The following DOCK8 variants were observed in gnomAD, a reference collection of about 807,000 sequenced individuals.
DOCK8 encodes dedicator of cytokinesis 8.
DOCK8 carries 141 observed loss-of-function variants against 245.6 expected under a neutral mutation model. The observed-to-expected ratio is 0.57, with a 90% CI of 0.50 to 0.66. The LOEUF (loss-of-function observed/expected upper bound fraction) is 0.66. Among genes scored for constraint, DOCK8 ranks in the 30% least tolerant of loss-of-function variants. The pLI is 0.00. For synonymous variants in DOCK8, 1,168 were observed against 970.2 expected, an observed-to-expected ratio of 1.20 and a Z score of -3.79; for missense variants, 2,965 against 2,603.4, an observed-to-expected ratio of 1.14 and a Z score of -3.02.
In DOCK8 at chr9:282,841, C is replaced by T. The variant is rs555073517; in HGVS notation, c.157-3620C>T. ...TAGTTTTACGGCTCATGTCACCTTG[C>T]TTCAAACTATGCTTCAGTATAATTT... On this transcript the variant is annotated intron_variant, in intron 2 of 47. Transcript: ENST00000432829. Among the ~76,000 whole-genome samples the T allele has an allele frequency of 3.3e-5, 5 of 152,324 alleles. No individual in the cohort carries two copies. In the South Asian group the frequency reaches 1.0e-3, roughly 32 times the overall value.
At chr9:334,723 G>C (rs926173979) in intron 11 of DOCK8, among the ~76,000 whole-genome samples, 2 of 151,982 alleles carry the variant, frequency 1.3e-5, no homozygotes. Context: ...GTGTTAAGCA[G>C]AGACACCATG....
At chr9:274,108 G>A (rs10757606) in intron 2 of DOCK8, among the ~76,000 whole-genome samples, 45,921 of 152,040 alleles carry the variant, frequency 0.3, 7,469 homozygotes, top group South Asian at 0.45. Flanking sequence ...GTAAGCATTC[G>A]TTTGGTAAGT....
intron 1 of DOCK8, among the ~76,000 whole-genome samples, chr9:251,526 G>GC (rs946916226): frequency 1.5e-4 from 23 of 152,096 alleles, no homozygotes; most frequent in Non-Finnish European, 3.4e-4. Context: ...CCATTGCCAA[G>GC]CCCCCGGGAA....
intron 15 of DOCK8, chr9:369,282 C>T (rs2053173564): frequency 1.3e-5 from 2 of 152,262 alleles, no homozygotes; most frequent in Admixed American, 1.3e-4. Context: ...TGGCATGCCA[C>T]TGCCAGGAGT....
intron 30 of DOCK8, among the ~76,000 whole-genome samples, chr9:419,124 C>T (rs758947356): frequency 2.0e-5 from 3 of 152,192 alleles, no homozygotes; most frequent in Admixed American, 6.5e-5. Context: ...AGCACTGCAT[C>T]CTCCAATGTC....
intron 29 of DOCK8, among the ~76,000 whole-genome samples, chr9:415,688 G>A (rs565725022): frequency 5.0e-4 from 51 of 101,852 alleles, no homozygotes; most frequent in African/African-American, 1.6e-3. Context: ...GTGTGTGCGC[G>A]CGTGCACACA....
In DOCK8 at chr9:462,910, C is replaced by T. The variant is rs146249114; in HGVS notation, c.6069-607C>T. ...CACTTCCTCACAGTGTTATCTTGGG[C>T]AAGCATCCTAACATTTCTGAGTTTC... On this transcript the variant is annotated intron_variant, in intron 46 of 47. Coordinates refer to ENST00000432829, the MANE Select transcript of DOCK8 (RefSeq NM_203447.4). 4.5e-3 allele frequency among the ~76,000 whole-genome samples: 681 copies of T among 152,290 alleles called. 5 individuals carry two copies. Among genetic ancestry groups the T allele is most frequent in the Non-Finnish European group, 7.4e-3 (505 of 68,008 alleles).
At chr9:312,377 A>G (rs1163126549) in intron 6 of DOCK8, 1 of 693,338 alleles carries the variant, frequency 1.4e-6, no homozygotes, top group Admixed American at 2.0e-5. Context: ...GATAATAATA[A>G]CAACTGGAAT....
intron 14 of DOCK8, among the ~76,000 whole-genome samples, chr9:352,696 C>G (rs1162623950): frequency 2.0e-5 from 3 of 149,496 alleles, no homozygotes; most frequent in African/African-American, 7.5e-5. Context: ...GAGCCAAGAT[C>G]GCGCCACTGC....
chr9:301,960 T>G (rs139007659), intron 4 of DOCK8, among the ~76,000 whole-genome samples: 2,168 of 151,916 alleles, frequency 0.014, 61 homozygotes, highest in African/African-American at 0.051. Flanking sequence ...CTATCTTAAT[T>G]AGCAACATCA....
chr9:291,708 T>A lies in DOCK8; in HGVS notation c.404+2127T>A, dbSNP rs72701260. 3.1e-3 allele frequency among the ~76,000 whole-genome samples: 471 copies of A among 152,048 alleles called. 1 individual carries two copies. Among genetic ancestry groups the A allele is most frequent in the Non-Finnish European group, 5.4e-3 (369 of 67,990 alleles). On this transcript the variant is annotated intron_variant, in intron 4 of 47. Coordinates refer to ENST00000432829, the MANE Select transcript of DOCK8 (RefSeq NM_203447.4). ...TTATGATTTTTTTCTTTGGAATTAATTCCTACAAGAGGAATTTCTATGTCA... is the reference window on the plus strand; with the variant it reads ...TTATGATTTTTTTCTTTGGAATTAAATCCTACAAGAGGAATTTCTATGTCA...
At chr9:276,173 G>A (rs1050738755) in intron 2 of DOCK8, among the ~76,000 whole-genome samples, 1 of 151,760 alleles carries the variant, frequency 6.6e-6, no homozygotes, top group Non-Finnish European at 1.5e-5. Context: ...TTACAGGCTT[G>A]AGCCACTGCG....
chr9:309,553 G>A (rs1159451331), intron 5 of DOCK8, among the ~76,000 whole-genome samples: 2 of 152,166 alleles, frequency 1.3e-5, no homozygotes, highest in Non-Finnish European at 2.9e-5. Flanking sequence ...AAAGCATGCA[G>A]TTCCCAATTA....
rs763578608 is a variant in DOCK8, at chr9:382,548, C to T, written c.2641C>T (p.His881Tyr). The T allele has an allele frequency of 1.2e-6, 2 of 1,614,042 alleles. No homozygotes were observed. Among genetic ancestry groups the T allele is most frequent in the Non-Finnish European group, 1.7e-6 (2 of 1,179,942 alleles). The change falls in exon 22 of 48, where the codon CAC becomes TAC. Residue 881 changes from histidine (H) to tyrosine (Y), a missense_variant. Physicochemically the swap from His to Tyr is moderately conservative, Grantham distance 83. Transcript: ENST00000432829. Reference sequence around the variant, plus strand: ...TGCCCTCCTAGACCCTCGGAGCTACCACACGTATGGCCGCACATCAGCTGC... The same window carrying T: ...TGCCCTCCTAGACCCTCGGAGCTACTACACGTATGGCCGCACATCAGCTGC... The part of the protein sequence containing the change: ...PTALLDPRSY[H>Y]TYGRTSAAAV...
intron 1 of DOCK8, among the ~76,000 whole-genome samples, chr9:229,549 G>A (rs1171714975): frequency 6.6e-6 from 1 of 152,148 alleles, no homozygotes; most frequent in Admixed American, 6.5e-5. Context: ...GAAGGTGCCT[G>A]AAAATTGCCA....
At chr9:340,525 G>A (rs2051532469) in intron 14 of DOCK8, 3 of 594,446 alleles carry the variant, frequency 5.0e-6, no homozygotes, top group African/African-American at 1.8e-5. Flanking sequence ...GCAGGCTGAG[G>A]CAGGAGAATC....
rs148440256 is a variant in DOCK8, at chr9:368,029, A to G, written c.1691A>G (p.Tyr564Cys). The change falls in exon 15 of 48, where the codon TAT becomes TGT. Residue 564 changes from tyrosine (Y) to cysteine (C), a missense_variant. Coordinates refer to ENST00000432829, the MANE Select transcript of DOCK8 (RefSeq NM_203447.4). ...CTCTTCTTTTCCAGAAACCTTCTCT[A>G]TGTCTACCCACAGAGGCTGAACTTT... ...VPHTVYRNLL[Y>C]VYPQRLNFVN... is the part of the protein sequence containing the mutation. 77 of 1,613,170 alleles carry G rather than the reference A, an allele frequency of 4.8e-5. No homozygotes were observed. Among genetic ancestry groups the G allele is most frequent in the East Asian group, 3.6e-4 (16 of 44,884 alleles).
Position 464,398 on chromosome 9 carries a change from A to G in DOCK8, c.*179A>G. On this transcript the variant is annotated 3_prime_UTR_variant, in exon 48 of 48. Transcript: ENST00000432829. Reference sequence around the variant, plus strand: ...AATTATTCCCAAATGGACTCTGACCAGATTTTTGCCATACTGGGGGGTGGC... The same window carrying G: ...AATTATTCCCAAATGGACTCTGACCGGATTTTTGCCATACTGGGGGGTGGC... 1 of 683,324 alleles carries G rather than the reference A, an allele frequency of 1.5e-6. No homozygotes were observed. Among genetic ancestry groups the G allele is most frequent in the Non-Finnish European group, 2.6e-6 (1 of 379,742 alleles). The allele number at this position is 683,324 out of a possible 1,614,324, so 42.3% of individuals were successfully genotyped here.
chr9:244,836 C>G (rs1177809592), intron 1 of DOCK8, among the ~76,000 whole-genome samples: 1 of 152,116 alleles, frequency 6.6e-6, no homozygotes, highest in African/African-American at 2.4e-5. Flanking sequence ...TCTTCCTAGT[C>G]CGTCTCTAGT....
Sources: gnomAD v4.1 joint callset for allele counts (sites outside exome capture counted in the v4.1 genomes callset) on GRCh38, gnomAD v4.1.1 for gene constraint, MANE v1.5 for transcripts, NCBI Gene and HGNC (gene_info 2026-07-23, HGNC 2026-07-21) for gene names.